The following LGSN variants were observed in gnomAD, a reference collection of about 807,000 sequenced individuals.
The protein encoded by LGSN is lengsin.
A neutral mutation model predicts 19.5 loss-of-function variants in LGSN; 21 were observed. The observed-to-expected ratio is 1.07, with a 90% CI of 0.76 to 1.55. The LOEUF is 1.55. Among genes scored for constraint, LGSN ranks in the 40% most tolerant of loss-of-function variants. LGSN has a pLI of 0.00. For synonymous variants in LGSN, 257 were observed against 215.6 expected (o/e 1.19, Z -1.68); for missense variants, 673 against 608.5 (o/e 1.11, Z -1.12).
chr6:63,484,957 A>G, the LGSN span, among the ~76,000 whole-genome samples: 81,529 of 152,078 alleles, frequency 0.54, 23,693 homozygotes, highest in African/African-American at 0.77. Flanking sequence ...TGCAAGTTTT[A>G]AAAGAAAGAT....
At chr6:63,331,029 C>A in the LGSN span, among the ~76,000 whole-genome samples, 3 of 152,060 alleles carry the variant, frequency 2.0e-5, no homozygotes, top group African/African-American at 7.3e-5. Flanking sequence ...CTGAGTTGGG[C>A]CAAATTCCCC....
chr6:63,470,933 C>CTTT, the LGSN span, among the ~76,000 whole-genome samples: 438 of 72,672 alleles, frequency 6.0e-3, no homozygotes, highest in Middle Eastern at 0.011. Flanking sequence ...TTCAGTCTTT[C>CTTT]TTTTTTTTTT....
At chr6:63,362,313 A>T in the LGSN span, among the ~76,000 whole-genome samples, 3 of 152,194 alleles carry the variant, frequency 2.0e-5, no homozygotes, top group Non-Finnish European at 4.4e-5. Context: ...AAGACGGGTG[A>T]TTTCTGCATT....
chr6:63,412,483 GAAGAA>G, the LGSN span, among the ~76,000 whole-genome samples: 8 of 52,868 alleles, frequency 1.5e-4, no homozygotes, highest in South Asian at 6.9e-4. Flanking sequence ...AGAAGAAAGA[GAAGAA>G]AGAAAGAAAG....
chr6:63,432,557 T>G, the LGSN span, among the ~76,000 whole-genome samples: 1 of 151,304 alleles, frequency 6.6e-6, no homozygotes, highest in Non-Finnish European at 1.5e-5. Context: ...CCAGGCGTGG[T>G]GGTGGGCGCC....
the LGSN span, among the ~76,000 whole-genome samples, chr6:63,350,501 T>C: frequency 3.0e-3 from 450 of 152,328 alleles, 3 homozygotes; most frequent in African/African-American, 0.01. Flanking sequence ...ATTTCCAGTT[T>C]TAATAAACAG....
the LGSN span, among the ~76,000 whole-genome samples, chr6:63,573,007 T>G: frequency 5.3e-5 from 8 of 151,294 alleles, no homozygotes; most frequent in Admixed American, 5.3e-4. Context: ...GGCGGCGCGG[T>G]CCGGCTTCTG....
At chr6:63,423,863 C>T in the LGSN span, among the ~76,000 whole-genome samples, 2 of 152,036 alleles carry the variant, frequency 1.3e-5, no homozygotes, top group Non-Finnish European at 2.9e-5. Context: ...CGTGGTGAAA[C>T]CCCATCTCTA....
the LGSN span, among the ~76,000 whole-genome samples, chr6:63,359,290 TTC>T: frequency 6.6e-6 from 1 of 152,216 alleles, no homozygotes; most frequent in Admixed American, 6.5e-5. Context: ...TGGTCTAAAA[TTC>T]TCTTTTTTTG....
At chr6:63,463,051 C>T in the LGSN span, among the ~76,000 whole-genome samples, 2 of 152,168 alleles carry the variant, frequency 1.3e-5, no homozygotes, top group Non-Finnish European at 2.9e-5. Context: ...GGAGAGACAG[C>T]ATGAGTGGTA....
chr6:63,299,280 G>A (rs528989731), intron 1 of LGSN, among the ~76,000 whole-genome samples: 1 of 152,332 alleles, frequency 6.6e-6, no homozygotes, highest in East Asian at 1.9e-4. Flanking sequence ...TTTTAAGGGT[G>A]TCTGCCTCTG....
At chr6:63,505,210 C>T in the LGSN span, among the ~76,000 whole-genome samples, 3 of 151,614 alleles carry the variant, frequency 2.0e-5, no homozygotes, top group Non-Finnish European at 4.4e-5. Flanking sequence ...CCTCATCCAC[C>T]CCCATTTTCT....
chr6:63,408,723 T>C, the LGSN span, among the ~76,000 whole-genome samples: 1 of 151,106 alleles, frequency 6.6e-6, no homozygotes, highest in Non-Finnish European at 1.5e-5. Context: ...CAAAAGAAAC[T>C]ACCATCAGAG....
At chr6:63,385,630 G>C in the LGSN span, among the ~76,000 whole-genome samples, 1 of 151,944 alleles carries the variant, frequency 6.6e-6, no homozygotes, top group Non-Finnish European at 1.5e-5. Context: ...CCTCCAACCC[G>C]TCACAGAGTT....
At chr6:63,549,422 G>T in the LGSN span, 1 of 751,186 alleles carries the variant, frequency 1.3e-6, no homozygotes, top group Non-Finnish European at 2.4e-6. Flanking sequence ...TCAAACAGGG[G>T]ATTCACCACT....
the LGSN span, among the ~76,000 whole-genome samples, chr6:63,380,129 C>T: frequency 2.6e-4 from 40 of 152,290 alleles, no homozygotes; most frequent in African/African-American, 5.3e-4. Flanking sequence ...TGAGCCACCA[C>T]GCCCGGCCTC....
intron 2 of LGSN, among the ~76,000 whole-genome samples, chr6:63,292,696 A>G (rs1028407972): frequency 1.3e-5 from 2 of 152,212 alleles, no homozygotes; most frequent in Admixed American, 6.5e-5. Context: ...CTGTCTGTCC[A>G]TAACTCCACT....
the LGSN span, among the ~76,000 whole-genome samples, chr6:63,375,150 C>A: frequency 6.6e-6 from 1 of 151,880 alleles, no homozygotes; most frequent in Non-Finnish European, 1.5e-5. Context: ...TAATCATTTT[C>A]TTTTTTAACC....
chr6:63,288,593 TG>T (rs1446610104), intron 2 of LGSN, among the ~76,000 whole-genome samples: 1 of 152,202 alleles, frequency 6.6e-6, no homozygotes, highest in Non-Finnish European at 1.5e-5. Context: ...GTAGGGTACG[TG>T]TATTAGTTTG....
Sources: gnomAD v4.1 joint callset for allele counts (sites outside exome capture counted in the v4.1 genomes callset) on GRCh38, gnomAD v4.1.1 for gene constraint, MANE v1.5 for transcripts, NCBI Gene and HGNC (gene_info 2026-07-23, HGNC 2026-07-21) for gene names.